SMIM21: variants seen among roughly 807,000 people sequenced by gnomAD.
The protein encoded by SMIM21 is small integral membrane protein 21, also known as chromosome 18 open reading frame 62.
Under a neutral mutation model 8.6 loss-of-function variants are expected in SMIM21, and 8 were observed. The observed-to-expected ratio is 0.93, with a 90% confidence interval of 0.55 to 1.68. SMIM21 has a LOEUF of 1.68. SMIM21 is among the 40% of genes most tolerant of loss of function. The pLI is 0.00. For missense variants in SMIM21, 132 were observed against 123.0 expected, an observed-to-expected ratio of 1.07 and a Z score of -0.35; for synonymous variants, 43 against 41.7, an observed-to-expected ratio of 1.03 and a Z score of -0.12.
At chr18:75,426,756 C>T (rs2024768989) in intron 1 of SMIM21, among the ~76,000 whole-genome samples, 2 of 151,336 alleles carry the variant, frequency 1.3e-5, no homozygotes, top group African/African-American at 4.8e-5. Context: ...CCATCCATCT[C>T]CTCTTCACAG....
At chr18:75,413,849 G>A (rs986613125) in intron 2 of SMIM21, among the ~76,000 whole-genome samples, 5 of 152,066 alleles carry the variant, frequency 3.3e-5, no homozygotes, top group South Asian at 4.1e-4. Flanking sequence ...GCATTGCTTA[G>A]AACAGGGATG....
chr18:75,423,197 G>A (rs889904722), intron 1 of SMIM21, among the ~76,000 whole-genome samples: 1 of 152,188 alleles, frequency 6.6e-6, no homozygotes, highest in Non-Finnish European at 1.5e-5. Flanking sequence ...TTACACATAT[G>A]TCATTATGTC....
intron 2 of SMIM21, among the ~76,000 whole-genome samples, chr18:75,412,006 C>T (rs770181782): frequency 2.0e-5 from 3 of 152,146 alleles, no homozygotes; most frequent in Non-Finnish European, 4.4e-5. Context: ...GTGACAGTGG[C>T]TATAAGAAAT....
chr18:75,418,542 A>G (rs1001000595), intron 2 of SMIM21, among the ~76,000 whole-genome samples: 6 of 152,172 alleles, frequency 3.9e-5, no homozygotes, highest in African/African-American at 1.2e-4. Flanking sequence ...TGCAGTATAC[A>G]TGGCTCACTC....
chr18:75,419,712 T>C (rs2024689238), intron 1 of SMIM21, among the ~76,000 whole-genome samples: 1 of 152,208 alleles, frequency 6.6e-6, no homozygotes, highest in African/African-American at 2.4e-5. Flanking sequence ...AAACCAACTA[T>C]ATCCAAAAAT....
chr18:75,410,580 TG>T lies in SMIM21; in HGVS notation c.*283del. 1 of 558,078 alleles carries T rather than the reference TG, an allele frequency of 1.8e-6. No homozygotes were observed. The highest frequency in any genetic ancestry group is 2.9e-6 in the Non-Finnish European group (1 of 349,066). The allele number at this position is 558,078 out of a possible 1,614,324, so 34.6% of individuals were successfully genotyped here. A position where few individuals can be genotyped will look rare whatever the true frequency, so the allele number is the denominator to read the frequency against. ...CTAATGAAGAAGTTCTTTGCACTGC[TG>T]GATCTGTTTCGACACGCAGGGCAGA... On this transcript the variant is annotated 3_prime_UTR_variant, in exon 3 of 3. Coordinates refer to ENST00000579022, the MANE Select transcript of SMIM21 (RefSeq NM_001037331.3).
Position 75,418,786 on chromosome 18 carries a change from T to G in SMIM21, c.260A>C (p.Asn87Thr), listed in dbSNP as rs1159804771. The change falls in exon 2 of 3, where the codon AAC (asparagine) becomes ACC (threonine). Residue 87 changes from asparagine to threonine, a missense_variant and splice_region_variant. Asn to Thr is a moderately conservative substitution (Grantham distance 65). Transcript: ENST00000579022. ...ACTGCTAAGGTTATCGTTTACCTAC[T>G]TTCGAAATATGCTGTTGGCCCTTTT... ...DWKRANSIFR[N>T]FLRLKSSRNT... 2 of 1,604,724 alleles carry G rather than the reference T, an allele frequency of 1.2e-6. No individual in the cohort carries two copies. The highest frequency in any genetic ancestry group is 1.7e-6 in the Non-Finnish European group (2 of 1,175,942).
intron 2 of SMIM21, 123 bp downstream of exon 2, chr18:75,418,663 G>T: frequency 1.0e-6 from 1 of 966,506 alleles, no homozygotes; most frequent in Non-Finnish European, 1.5e-6. Context: ...CACTCTCCTA[G>T]GTGGCTACAG....
At chr18:75,414,140 C>G (rs1175558502) in intron 2 of SMIM21, among the ~76,000 whole-genome samples, 1 of 150,878 alleles carries the variant, frequency 6.6e-6, no homozygotes, top group Non-Finnish European at 1.5e-5. Context: ...CACACACACA[C>G]AGTCATTATC....
intron 2 of SMIM21, among the ~76,000 whole-genome samples, chr18:75,414,356 G>C (rs1039207286): frequency 3.9e-5 from 6 of 152,138 alleles, no homozygotes; most frequent in African/African-American, 1.4e-4. Flanking sequence ...CAAGTACTGT[G>C]CTAGGGACTG....
chr18:75,423,250 C>T (rs909287990), intron 1 of SMIM21, among the ~76,000 whole-genome samples: 1 of 152,200 alleles, frequency 6.6e-6, no homozygotes, highest in Non-Finnish European at 1.5e-5. Context: ...AACAGCTGCT[C>T]CTTGCACCTC....
intron 2 of SMIM21, 60 bp downstream of exon 2, chr18:75,418,726 T>G: frequency 6.8e-7 from 1 of 1,478,518 alleles, no homozygotes; most frequent in East Asian, 2.3e-5. Context: ...AGGTTATCGT[T>G]TACTCACTTT....
intron 2 of SMIM21, among the ~76,000 whole-genome samples, chr18:75,412,793 C>T (rs1236659952): frequency 6.6e-6 from 1 of 152,164 alleles, no homozygotes; most frequent in East Asian, 1.9e-4. Flanking sequence ...ACCCCCACTC[C>T]TAGTAAAATA....
In SMIM21 at chr18:75,410,777, A is replaced by G. The variant is rs1391001351; in HGVS notation, c.*87T>C. On this transcript the variant is annotated 3_prime_UTR_variant, in exon 3 of 3. Coordinates refer to ENST00000579022, the MANE Select transcript of SMIM21 (RefSeq NM_001037331.3). ...AGTGAGCAATAATCTGCTATCTCTA[A>G]GCAATCTGATTTCCTCTTAATTTCT... is the stretch of plus-strand genomic sequence containing the variant. The G allele has an allele frequency of 6.3e-7, 1 of 1,594,204 alleles. No individual in the cohort carries two copies. Among genetic ancestry groups the G allele is most frequent in the Non-Finnish European group, 8.5e-7 (1 of 1,171,156 alleles).
chr18:75,412,583 T>C (rs1237717551), intron 2 of SMIM21: 1 of 152,074 alleles, frequency 6.6e-6, no homozygotes, highest in Non-Finnish European at 1.5e-5. Flanking sequence ...AGGTATGAGG[T>C]TTGGAAGCAT....
chr18:75,413,764 T>G (rs999497885), intron 2 of SMIM21, among the ~76,000 whole-genome samples: 10 of 152,172 alleles, frequency 6.6e-5, no homozygotes, highest in African/African-American at 2.2e-4. Flanking sequence ...AGGGCCATCC[T>G]TGCTTGACTT....
intron 2 of SMIM21, 32 bp downstream of exon 2, chr18:75,418,754 T>C (rs999042022): frequency 2.6e-6 from 4 of 1,560,076 alleles, no homozygotes; most frequent in Admixed American, 2.0e-5. Flanking sequence ...TGTAGTATTT[T>C]TTTTTAACTG....
chr18:75,411,603 T>C (rs946286417), intron 2 of SMIM21, among the ~76,000 whole-genome samples: 2 of 152,342 alleles, frequency 1.3e-5, no homozygotes, highest in East Asian at 1.9e-4. Context: ...CTCACTGACA[T>C]TGTGGGTGAC....
chr18:75,418,749 TA>T, intron 2 of SMIM21, 36 bp downstream of exon 2: 1 of 1,503,192 alleles, frequency 6.7e-7, no homozygotes, highest in Non-Finnish European at 8.8e-7. Flanking sequence ...AAATATGTAG[TA>T]TTTTTTTTTA....
Sources: gnomAD v4.1 joint callset for allele counts (sites outside exome capture counted in the v4.1 genomes callset) on GRCh38, gnomAD v4.1.1 for gene constraint, MANE v1.5 for transcripts, NCBI Gene and HGNC (gene_info 2026-07-23, HGNC 2026-07-21) for gene names.